Variants in SEMA3E observed in about 807,000 individuals in gnomAD.
The protein encoded by SEMA3E is semaphorin 3E.
In SEMA3E, 49 loss-of-function variants were observed where a neutral mutation model predicts 93.6. The ratio of observed to expected loss-of-function variants is 0.52; its 90% confidence interval spans 0.42 to 0.66. The LOEUF is 0.66. SEMA3E is among the 30% of genes least tolerant of loss of function. The pLI, the probability that SEMA3E is intolerant of heterozygous loss-of-function variation, is 0.00. For missense variants in SEMA3E, 906 were observed against 964.8 expected, an observed-to-expected ratio of 0.94 and a Z score of 0.81; for synonymous variants, 363 against 330.7, an observed-to-expected ratio of 1.10 and a Z score of -1.06.
chr7:83,597,397 T>C (rs1418667749), intron 1 of SEMA3E, among the ~76,000 whole-genome samples: 1 of 152,192 alleles, frequency 6.6e-6, no homozygotes. Context: ...AGGGCCTTAG[T>C]GATACTCATT....
intron 1 of SEMA3E, among the ~76,000 whole-genome samples, chr7:83,494,488 C>A (rs930392996): frequency 4.0e-5 from 6 of 151,758 alleles, no homozygotes; most frequent in Non-Finnish European, 7.4e-5. Context: ...CATCAAAATT[C>A]ACTCCACCAA....
chr7:83,574,695 T>TGTGCTAATCTGAGGGA (rs1160246099), intron 1 of SEMA3E, among the ~76,000 whole-genome samples: 23 of 152,234 alleles, frequency 1.5e-4, no homozygotes, highest in African/African-American at 5.3e-4. Flanking sequence ...GACCACTAAG[T>TGTGCTAATCTGAGGGA]GAACAAGACT....
chr7:83,425,013 T>C, intron 4 of SEMA3E: 1 of 206,580 alleles, frequency 4.8e-6, no homozygotes, highest in South Asian at 9.9e-5. Flanking sequence ...TGAAGGAGGG[T>C]GGATGTGACT....
chr7:83,552,516 G>A (rs1198536052), intron 1 of SEMA3E, among the ~76,000 whole-genome samples: 6 of 152,076 alleles, frequency 3.9e-5, no homozygotes, highest in Non-Finnish European at 2.9e-5. Context: ...GCGGGGTTGG[G>A]CAAAAAGAGC....
At chr7:83,481,095 C>T (rs542660160) in intron 2 of SEMA3E, among the ~76,000 whole-genome samples, 1 of 152,178 alleles carries the variant, frequency 6.6e-6, no homozygotes, top group Non-Finnish European at 1.5e-5. Flanking sequence ...ATGGTTAGAG[C>T]CCCATCCCAA....
At position 83,421,620 on chromosome 7, in the gene SEMA3E, A is replaced by G. The variant is rs887175224; in HGVS notation, c.457-3137T>C. ...GTACAACCCTGCTCATCTGTGAACC[A>G]CAAACCTATAAACAATCTTGAAAGT... On this transcript the variant is annotated intron_variant, in intron 4 of 16. Coordinates refer to ENST00000643230, the MANE Select transcript of SEMA3E (RefSeq NM_012431.3). Among the ~76,000 whole-genome samples, 9 of 142,538 alleles carry G rather than the reference A, an allele frequency of 6.3e-5. 1 individual carries two copies. The highest frequency in any genetic ancestry group is 2.3e-4 in the African/African-American group (9 of 39,892). 93.5% of individuals were successfully genotyped at this position (142,538 alleles called of 152,430 possible).
intron 1 of SEMA3E, among the ~76,000 whole-genome samples, chr7:83,637,007 A>G (rs771810464): frequency 1.3e-5 from 2 of 150,298 alleles, no homozygotes; most frequent in Non-Finnish European, 3.0e-5. Flanking sequence ...GGGTTTGACT[A>G]AAAGCTATGT....
At chr7:83,467,911 A>G (rs1210651987) in intron 3 of SEMA3E, among the ~76,000 whole-genome samples, 2 of 9,554 alleles carry the variant, frequency 2.1e-4, no homozygotes, top group Non-Finnish European at 0.017. Context: ...AAAATAGTTT[A>G]CAATAGCTTT....
chr7:83,402,016 A>C (rs1390911848), intron 10 of SEMA3E, among the ~76,000 whole-genome samples: 1 of 152,088 alleles, frequency 6.6e-6, no homozygotes, highest in African/African-American at 2.4e-5. Context: ...GAAGAATCTT[A>C]ATAGTATAGT....
At chr7:83,491,141 T>C (rs1265174101) in intron 1 of SEMA3E, among the ~76,000 whole-genome samples, 1 of 152,088 alleles carries the variant, frequency 6.6e-6, no homozygotes, top group Non-Finnish European at 1.5e-5. Context: ...TAACAGAGAA[T>C]GTGAATTCTT....
intron 1 of SEMA3E, among the ~76,000 whole-genome samples, chr7:83,638,439 G>C (rs999148297): frequency 2.5e-4 from 38 of 152,218 alleles, no homozygotes; most frequent in East Asian, 5.8e-4. Flanking sequence ...TTCCATGATC[G>C]ATCCATATTA....
At chr7:83,590,994 T>C (rs1318940950) in intron 1 of SEMA3E, among the ~76,000 whole-genome samples, 1 of 152,010 alleles carries the variant, frequency 6.6e-6, no homozygotes, top group East Asian at 1.9e-4. Context: ...ATTATTTCCA[T>C]TAGTAAAATG....
rs564302350 is a variant in SEMA3E, at chr7:83,540,789, A to G, written c.116-50515T>C. Among the ~76,000 whole-genome samples, 51 of 149,726 alleles carry G rather than the reference A, an allele frequency of 3.4e-4. 4 individuals are homozygous for G. The Middle Eastern group carries it at 0.02, about 60-fold the overall frequency. On this transcript the variant is annotated intron_variant, in intron 1 of 16. Coordinates refer to ENST00000643230, the MANE Select transcript of SEMA3E (RefSeq NM_012431.3). ...CAACTTTCCAGGTAAATCTGAAACA[A>G]TTAAATGTGAGAATAATACTGAAAT...
chr7:83,555,173 A>T (rs1449778899), intron 1 of SEMA3E, among the ~76,000 whole-genome samples: 1 of 152,146 alleles, frequency 6.6e-6, no homozygotes, highest in Non-Finnish European at 1.5e-5. Flanking sequence ...ATTTTACCCA[A>T]AAATAAAAAA....
At chr7:83,393,187 G>C (rs2723037) in intron 13 of SEMA3E, among the ~76,000 whole-genome samples, 86,928 of 152,030 alleles carry the variant, frequency 0.57, 28,548 homozygotes, top group East Asian at 0.85. Context: ...AAGAAGCTGT[G>C]TTCATTATCT....
At chr7:83,453,654 C>T (rs1413313033) in intron 4 of SEMA3E, among the ~76,000 whole-genome samples, 1 of 152,014 alleles carries the variant, frequency 6.6e-6, no homozygotes, top group Non-Finnish European at 1.5e-5. Context: ...TTAAAAATTA[C>T]CATAATTTTT....
intron 1 of SEMA3E, among the ~76,000 whole-genome samples, chr7:83,540,708 A>C (rs1197079149): frequency 3.9e-5 from 6 of 152,228 alleles, no homozygotes. Flanking sequence ...AATCCTGCTT[A>C]AGAACTGCTG....
At chr7:83,544,793 A>G (rs928263493) in intron 1 of SEMA3E, among the ~76,000 whole-genome samples, 5 of 151,804 alleles carry the variant, frequency 3.3e-5, no homozygotes, top group African/African-American at 1.2e-4. Context: ...GTAGTTTCAT[A>G]TTGTTTCCAT....
intron 1 of SEMA3E, among the ~76,000 whole-genome samples, chr7:83,600,647 G>A (rs13311142): frequency 1.6e-4 from 25 of 151,558 alleles, no homozygotes; most frequent in Non-Finnish European, 2.8e-4. Flanking sequence ...GCGCCTGGCC[G>A]AAATATTAAT....
Sources: gnomAD v4.1 joint callset for allele counts (sites outside exome capture counted in the v4.1 genomes callset) on GRCh38, gnomAD v4.1.1 for gene constraint, MANE v1.5 for transcripts, NCBI Gene and HGNC (gene_info 2026-07-23, HGNC 2026-07-21) for gene names.